SLC6A5: variants seen among roughly 807,000 people sequenced by gnomAD.
SLC6A5 encodes solute carrier family 6 member 5.
SLC6A5 carries 58 observed loss-of-function variants against 90.5 expected under a neutral mutation model. The ratio of observed to expected loss-of-function variants is 0.64; its 90% confidence interval spans 0.52 to 0.80. The LOEUF (loss-of-function observed/expected upper bound fraction) is 0.80, where lower values mean the gene tolerates loss of function less well. SLC6A5 is among the 30% of genes least tolerant of loss of function. SLC6A5 has a pLI of 0.00. For missense variants in SLC6A5, 1,015 were observed against 1,017.6 expected (o/e 1.00, Z 0.03); for synonymous variants, 427 against 401.4 (o/e 1.06, Z -0.76).
rs143348890 is a variant in SLC6A5, at chr11:20,639,175, C to A, written c.1969+617C>A. Among the ~76,000 whole-genome samples the A allele has an allele frequency of 5.1e-4, 78 of 152,250 alleles. 1 individual carries two copies. Among genetic ancestry groups the A allele is most frequent in the African/African-American group, 1.6e-3 (68 of 41,552 alleles). On this transcript the variant is annotated intron_variant, in intron 13 of 15. Coordinates refer to ENST00000525748, the MANE Select transcript of SLC6A5 (RefSeq NM_004211.5). ...GAAATGGTGAGCTATCAGATGCCAT[C>A]TTTTCCCTTTGTGTGGAGGTGTTTG... is the stretch of plus-strand genomic sequence containing the variant.
chr11:20,651,964 AC>A (rs1426537597), intron 14 of SLC6A5, among the ~76,000 whole-genome samples: 7 of 151,474 alleles, frequency 4.6e-5, no homozygotes, highest in Admixed American at 4.6e-4. Flanking sequence ...ACCCACTATC[AC>A]CCCTGCCCAC....
In SLC6A5 at chr11:20,607,593, G is replaced by A. The variant is rs1328900691; in HGVS notation, c.926G>A (p.Gly309Asp). ...TCCTTTGTGTCTGTACTACCCTGGG[G>A]CTCCTGCAACAACCCTTGGAATACG... is the stretch of plus-strand genomic sequence containing the variant. ...FASFVSVLPW[G>D]SCNNPWNTPE... Residue 309 changes from glycine (G) to aspartate (D), a missense_variant, in exon 5 of 16, where the codon GGC becomes GAC. Coordinates refer to ENST00000525748, the MANE Select transcript of SLC6A5 (RefSeq NM_004211.5). 1 of 1,613,976 alleles carries A rather than the reference G, an allele frequency of 6.2e-7. No homozygotes were observed. The highest frequency in any genetic ancestry group is 8.5e-7 in the Non-Finnish European group (1 of 1,180,012).
At chr11:20,619,290 C>A (rs968490115) in intron 7 of SLC6A5, among the ~76,000 whole-genome samples, 1 of 152,190 alleles carries the variant, frequency 6.6e-6, no homozygotes, top group Non-Finnish European at 1.5e-5. Flanking sequence ...GCACGCAATC[C>A]CAGCATCTAT....
chr11:20,621,751 C>T (rs1318677714), intron 7 of SLC6A5, among the ~76,000 whole-genome samples: 1 of 152,226 alleles, frequency 6.6e-6, no homozygotes, highest in East Asian at 1.9e-4. Flanking sequence ...ATGTCGTCTT[C>T]CTGCAGCCAG....
intron 5 of SLC6A5, among the ~76,000 whole-genome samples, chr11:20,610,964 A>C (rs1852682772): frequency 6.6e-6 from 1 of 152,190 alleles, no homozygotes; most frequent in Non-Finnish European, 1.5e-5. Flanking sequence ...AGACAGAAGT[A>C]TTGTTATAAT....
At position 20,655,231 on chromosome 11, in the gene SLC6A5, C is replaced by T. The variant is rs1480248051; in HGVS notation, c.*363C>T. On this transcript the variant is annotated 3_prime_UTR_variant, in exon 16 of 16. Transcript: ENST00000525748. ...GATGGCATGGGGGGTGCCAGTAAGG[C>T]ATGTATAGAGTGGCCGAATTACAAG... 2.8e-6 allele frequency: 1 copy of T among 354,094 alleles called. No individual in the cohort carries two copies. The highest frequency in any genetic ancestry group is 2.1e-5 in the African/African-American group (1 of 46,904). The allele number at this position is 354,094 out of a possible 1,614,324, so 21.9% of individuals were successfully genotyped here.
Position 20,604,327 on chromosome 11 carries a change from G to A in SLC6A5, c.582G>A (p.Trp194Ter), listed in dbSNP as rs1852534714. The A allele has an allele frequency of 1.2e-6, 2 of 1,613,860 alleles. No individual in the cohort carries two copies. The highest frequency in any genetic ancestry group is 2.7e-5 in the African/African-American group (2 of 74,944). ...QGDENKARGN[W>*]SSKLDFILSM... is the part of the protein sequence containing the mutation. ...ATGAGAATAAGGCCCGAGGGAACTG[G>A]TCCAGCAAACTGGACTTCATCCTGT... is the stretch of plus-strand genomic sequence containing the variant. Residue 194 changes from tryptophan (W) to a stop codon, truncating the protein, a stop_gained, in exon 3 of 16, where the codon TGG (tryptophan) becomes TGA (stop). Transcript: ENST00000525748. LOFTEE classifies it high-confidence loss of function.
chr11:20,612,611 G>C (rs949762932), intron 5 of SLC6A5, among the ~76,000 whole-genome samples: 2 of 152,172 alleles, frequency 1.3e-5, no homozygotes, highest in African/African-American at 4.8e-5. Context: ...TTGAACTCCT[G>C]GGCTTAAGCA....
chr11:20,608,904 C>T lies in SLC6A5; in HGVS notation c.985+1252C>T, dbSNP rs565184474. Among the ~76,000 whole-genome samples the T allele has an allele frequency of 1.9e-3, 205 of 106,398 alleles. 3 individuals are homozygous for T. The highest frequency in any genetic ancestry group is 0.011 in the Admixed American group (95 of 8,540). 69.8% of individuals were successfully genotyped at this position (106,398 alleles called of 152,430 possible). ...CCATGAACATGTGTTTATAGTCTCT[C>T]TCTCTGTCTGTCTGTCTGTCTCTCT... On this transcript the variant is annotated intron_variant, in intron 5 of 15. Transcript: ENST00000525748.
intron 10 of SLC6A5, among the ~76,000 whole-genome samples, chr11:20,633,745 T>A (rs1324017430): frequency 6.6e-6 from 1 of 152,234 alleles, no homozygotes; most frequent in Non-Finnish European, 1.5e-5. Flanking sequence ...ATGCATTTAA[T>A]TCTCACGGAA....
chr11:20,648,140 T>C (rs1193576083), intron 14 of SLC6A5, among the ~76,000 whole-genome samples: 2 of 152,166 alleles, frequency 1.3e-5, no homozygotes, highest in African/African-American at 2.4e-5. Context: ...CGCTGGAGGA[T>C]GTTGGCTGTA....
intron 15 of SLC6A5, among the ~76,000 whole-genome samples, 181 bp downstream of exon 15, chr11:20,652,637 AG>A (rs550620670): frequency 5.9e-5 from 9 of 152,280 alleles, no homozygotes; most frequent in East Asian, 3.9e-4. Context: ...CCTCTAATGG[AG>A]GGGCTCAGCC....
In SLC6A5 at chr11:20,614,827, T is replaced by C; in HGVS notation, c.1127+7T>C. 1.2e-6 allele frequency: 2 copies of C among 1,611,916 alleles called. No homozygotes were observed. The highest frequency in any genetic ancestry group is 1.7e-6 in the Non-Finnish European group (2 of 1,177,894). On this transcript the variant is annotated splice_region_variant and intron_variant, in intron 6 of 15. Coordinates refer to ENST00000525748, the MANE Select transcript of SLC6A5 (RefSeq NM_004211.5). ...GAAGTGAAGAGTACTTCAAGTAAGATGACTTTCTTTTTCCTTTTTTACCTT... is the reference window on the plus strand; with the variant it reads ...GAAGTGAAGAGTACTTCAAGTAAGACGACTTTCTTTTTCCTTTTTTACCTT...
chr11:20,630,225 T>C (rs1853082315), intron 9 of SLC6A5, among the ~76,000 whole-genome samples: 1 of 152,224 alleles, frequency 6.6e-6, no homozygotes, highest in Admixed American at 6.5e-5. Flanking sequence ...GTTTCAAAGA[T>C]GGCACCTTGT....
intron 1 of SLC6A5, among the ~76,000 whole-genome samples, chr11:20,600,399 G>GAGGAAGAAGAA (rs1852444023): frequency 7.2e-6 from 1 of 139,054 alleles, no homozygotes; most frequent in African/African-American, 2.7e-5. Context: ...AGAAGAAGAA[G>GAGGAAGAAGAA]AAGAAGAAGA....
In SLC6A5 at chr11:20,601,492, C is replaced by T; in HGVS notation, c.367C>T (p.Pro123Ser). 4 of 1,613,668 alleles carry T rather than the reference C, an allele frequency of 2.5e-6. No individual in the cohort carries two copies. The highest frequency in any genetic ancestry group is 3.4e-6 in the Non-Finnish European group (4 of 1,179,834). ...CGGCAACGCGCTGCACTGTAAGATC[C>T]CTTTTCTGCGAGGCCCGGAGGGGGA... is the stretch of plus-strand genomic sequence containing the variant. The part of the protein sequence containing the change: ...GPGNALHCKI[P>S]FLRGPEGDAN... The change falls in exon 2 of 16, where the codon CCT becomes TCT. Residue 123 changes from proline (P) to serine (S), a missense_variant. Pro to Ser is a moderately conservative substitution (Grantham distance 74). Transcript: ENST00000525748.
intron 14 of SLC6A5, 148 bp from the exon 15 acceptor site, chr11:20,652,141 T>A (rs563177668): frequency 1.3e-6 from 1 of 770,664 alleles, no homozygotes; most frequent in Admixed American, 2.2e-5. Flanking sequence ...GTTTCTTCAT[T>A]TGAAAAATGG....
rs539795769 is a variant in SLC6A5 at position 20,652,520 on chromosome 11, T to C, written c.2238+64T>C. 51 of 1,488,192 alleles carry C rather than the reference T, an allele frequency of 3.4e-5. No individual in the cohort carries two copies. The South Asian group carries it at 5.5e-4, about 16-fold the overall frequency. 92.2% of individuals were successfully genotyped at this position (1,488,192 alleles called of 1,614,324 possible). A position where few individuals can be genotyped will look rare whatever the true frequency, so the allele number is the denominator to read the frequency against. ...AGGGAAAGCCCATAAAAGCTCTGCA[T>C]GTTAAAAAACAAAAGATTCGGTAAA... On this transcript the variant is annotated intron_variant, in intron 15 of 15. Coordinates refer to ENST00000525748, the MANE Select transcript of SLC6A5 (RefSeq NM_004211.5).
chr11:20,600,840 C>T (rs1852456534), intron 1 of SLC6A5, among the ~76,000 whole-genome samples: 1 of 152,184 alleles, frequency 6.6e-6, no homozygotes, highest in Admixed American at 6.5e-5. Context: ...GACTCCAGGG[C>T]TATTTCCATT....
Sources: allele counts gnomAD v4.1 joint callset (sites outside exome capture counted in the v4.1 genomes callset), GRCh38; gene constraint gnomAD v4.1.1; transcripts MANE v1.5; gene names NCBI Gene and HGNC (gene_info 2026-07-23, HGNC 2026-07-21).